CTNND2: variants seen among roughly 807,000 people sequenced by gnomAD.
The protein encoded by CTNND2 is catenin delta-2.
CTNND2 carries 22 observed loss-of-function variants against 144.4 expected under a neutral mutation model. The ratio of observed to expected loss-of-function variants is 0.15; its 90% CI spans 0.11 to 0.22. The LOEUF (loss-of-function observed/expected upper bound fraction) is 0.22. Among genes scored for constraint, CTNND2 ranks in the 10% least tolerant of loss-of-function variants. The pLI is 1.00. For missense variants in CTNND2, 1,353 were observed against 1,618.8 expected (o/e 0.84, Z 2.82); for synonymous variants, 751 against 695.6 (o/e 1.08, Z -1.25).
intron 1 of CTNND2, among the ~76,000 whole-genome samples, chr5:11,807,772 CA>C (rs1355674354): frequency 6.6e-6 from 1 of 152,166 alleles, no homozygotes; most frequent in East Asian, 1.9e-4. Flanking sequence ...TGCATGTTCC[CA>C]CAGGCCTACT....
At chr5:11,465,210 GTATTAAAA>G (rs1766551698) in intron 3 of CTNND2, among the ~76,000 whole-genome samples, 1 of 151,686 alleles carries the variant, frequency 6.6e-6, no homozygotes, top group African/African-American at 2.4e-5. Flanking sequence ...CTATTATGCA[GTATTAAAA>G]TATTTTCCAA....
intron 13 of CTNND2, among the ~76,000 whole-genome samples, chr5:11,113,330 C>T (rs1753197422): frequency 1.3e-5 from 2 of 152,142 alleles, no homozygotes; most frequent in African/African-American, 2.4e-5. Context: ...GGGGTCCGAT[C>T]CAGCCCACAG....
intron 9 of CTNND2, among the ~76,000 whole-genome samples, chr5:11,251,832 G>A (rs1743688387): frequency 6.6e-6 from 1 of 152,142 alleles, no homozygotes; most frequent in Non-Finnish European, 1.5e-5. Context: ...TGTAGTTTGG[G>A]AAAATAGACT....
chr5:11,828,985 A>C (rs73064655), intron 1 of CTNND2, among the ~76,000 whole-genome samples: 3,026 of 152,174 alleles, frequency 0.02, 140 homozygotes, highest in East Asian at 0.2. Flanking sequence ...AACTGAAGCA[A>C]AGGTGACACT....
At chr5:11,255,634 A>C (rs187969481) in intron 9 of CTNND2, among the ~76,000 whole-genome samples, 4 of 152,312 alleles carry the variant, frequency 2.6e-5, no homozygotes, top group Admixed American at 2.0e-4. Flanking sequence ...TAGGATGCAG[A>C]TGAAGGAAGG....
intron 3 of CTNND2, among the ~76,000 whole-genome samples, chr5:11,561,691 T>C (rs1776695040): frequency 6.6e-6 from 1 of 152,196 alleles, no homozygotes; most frequent in African/African-American, 2.4e-5. Flanking sequence ...TGACTTGTAT[T>C]ACAAATGCAT....
In CTNND2 at chr5:11,824,113, A is replaced by C. The variant is rs1023252015; in HGVS notation, c.37+79704T>G. Reference sequence around the variant, plus strand: ...TGTCTCAAAAAAAAAAAAAAAAAAAACCATGGTGAAACTCAATTTAAATAC... The same window carrying C: ...TGTCTCAAAAAAAAAAAAAAAAAAACCCATGGTGAAACTCAATTTAAATAC... On this transcript the variant is annotated intron_variant, in intron 1 of 21. Coordinates refer to ENST00000304623, the MANE Select transcript of CTNND2 (RefSeq NM_001332.4). Among the ~76,000 whole-genome samples the C allele has an allele frequency of 2.6e-5, 4 of 151,148 alleles. 1 individual carries two copies. Among genetic ancestry groups the C allele is most frequent in the Middle Eastern group, 6.8e-3 (2 of 292 alleles).
At chr5:11,283,673 CAAAAAAAAAAAAA>C (rs70947250) in intron 9 of CTNND2, among the ~76,000 whole-genome samples, 30 of 31,614 alleles carry the variant, frequency 9.5e-4, no homozygotes, top group South Asian at 1.3e-3. Context: ...GACTCCGTCT[CAAAAAAAAAAAAA>C]AAAAAAAAAA....
At chr5:11,331,097 G>A (rs1389884) in intron 9 of CTNND2, among the ~76,000 whole-genome samples, 89 of 152,184 alleles carry the variant, frequency 5.8e-4, no homozygotes, top group African/African-American at 2.0e-3. Flanking sequence ...CTTTAATGTC[G>A]AAAGCACTTT....
intron 1 of CTNND2, among the ~76,000 whole-genome samples, chr5:11,819,708 C>T (rs1793210770): frequency 6.6e-6 from 1 of 152,128 alleles, no homozygotes; most frequent in East Asian, 1.9e-4. Context: ...CACTGTATAG[C>T]CCTGTTGCCA....
At chr5:11,888,834 C>T (rs942508497) in intron 1 of CTNND2, among the ~76,000 whole-genome samples, 3 of 151,758 alleles carry the variant, frequency 2.0e-5, no homozygotes, top group South Asian at 2.1e-4. Context: ...GCAACCTCCG[C>T]CTCCCAGTCC....
At chr5:11,695,596 T>C (rs760024166) in intron 2 of CTNND2, among the ~76,000 whole-genome samples, 1 of 152,244 alleles carries the variant, frequency 6.6e-6, no homozygotes, top group Non-Finnish European at 1.5e-5. Context: ...AAATGGAATA[T>C]TTTTATTCCG....
intron 18 of CTNND2, among the ~76,000 whole-genome samples, chr5:11,015,702 G>A (rs2149529503): frequency 6.6e-6 from 1 of 152,272 alleles, no homozygotes; most frequent in Admixed American, 6.5e-5. Flanking sequence ...CAGCAAACAG[G>A]AAACGTTCAG....
intron 2 of CTNND2, among the ~76,000 whole-genome samples, chr5:11,685,125 G>A (rs1784587424): frequency 6.6e-6 from 1 of 152,126 alleles, no homozygotes; most frequent in Non-Finnish European, 1.5e-5. Flanking sequence ...ACTTTAGAAA[G>A]TAGATTACCA....
Position 11,752,542 on chromosome 5 carries a change from C to CT in CTNND2, c.38-20271dup, listed in dbSNP as rs201310121. Among the ~76,000 whole-genome samples, 1,154 of 139,058 alleles carry CT rather than the reference C, an allele frequency of 8.3e-3. 7 individuals are homozygous for CT. Among genetic ancestry groups the CT allele is most frequent in the African/African-American group, 0.022 (859 of 38,466 alleles). The allele number at this position is 139,058 out of a possible 152,430, so 91.2% of individuals were successfully genotyped here. On this transcript the variant is annotated intron_variant, in intron 1 of 21. Transcript: ENST00000304623. ...TGTTCCACTGGTCTATGTGTCTGTT[C>CT]TTTTTTTTTTTTTCTTTTTCCACTA...
chr5:11,794,820 T>C (rs941100196), intron 1 of CTNND2, among the ~76,000 whole-genome samples: 3 of 152,246 alleles, frequency 2.0e-5, no homozygotes, highest in Non-Finnish European at 4.4e-5. Context: ...CAAGTCTTTC[T>C]GGGTAAGGAA....
At chr5:11,894,925 T>A (rs1737275685) in intron 1 of CTNND2, among the ~76,000 whole-genome samples, 1 of 152,170 alleles carries the variant, frequency 6.6e-6, no homozygotes, top group Admixed American at 6.5e-5. Context: ...TGCCTACTAC[T>A]ATCCTATGAT....
intron 1 of CTNND2, among the ~76,000 whole-genome samples, chr5:11,803,759 T>C (rs1009885433): frequency 5.9e-5 from 9 of 152,226 alleles, no homozygotes; most frequent in African/African-American, 1.9e-4. Context: ...CTACGACCCA[T>C]TGAATTTTAT....
At chr5:11,283,049 C>T (rs1345282391) in intron 9 of CTNND2, among the ~76,000 whole-genome samples, 1 of 152,172 alleles carries the variant, frequency 6.6e-6, no homozygotes, top group African/African-American at 2.4e-5. Flanking sequence ...GCCAGTCTTA[C>T]AAAATTCTCC....
Sources: allele counts gnomAD v4.1 joint callset (sites outside exome capture counted in the v4.1 genomes callset), GRCh38; gene constraint gnomAD v4.1.1; transcripts MANE v1.5; gene names NCBI Gene and HGNC (gene_info 2026-07-23, HGNC 2026-07-21).